CKM: variants seen among roughly 807,000 people sequenced by gnomAD.
CKM encodes creatine kinase, M-type.
CKM carries 28 observed loss-of-function variants against 35.4 expected under a neutral mutation model. The observed-to-expected ratio is 0.79, with a 90% CI of 0.59 to 1.08. CKM has a LOEUF of 1.08. Among genes scored for constraint, CKM ranks in the 50% least tolerant of loss-of-function variants. The pLI is 0.00. For synonymous variants in CKM, 215 were observed against 204.4 expected (o/e 1.05, Z -0.44); for missense variants, 484 against 509.8 (o/e 0.95, Z 0.49).
At chr19:45,322,361 AG>A (rs1394728690) in intron 1 of CKM, among the ~76,000 whole-genome samples, 1 of 152,164 alleles carries the variant, frequency 6.6e-6, no homozygotes, top group East Asian at 1.9e-4. Flanking sequence ...TCCGCTACTA[AG>A]TCAGAAACAA....
chr19:45,310,387 T>A (rs1172424461), intron 5 of CKM, among the ~76,000 whole-genome samples: 1 of 151,728 alleles, frequency 6.6e-6, no homozygotes, highest in Admixed American at 6.6e-5. Context: ...CCCAAAGTGC[T>A]GGGATTACAG....
rs370934579 is a variant in CKM at position 45,317,939 on chromosome 19, A to G, written c.234T>C (p.Asp78=). 18 of 1,613,802 alleles carry G rather than the reference A, an allele frequency of 1.1e-5. No individual in the cohort carries two copies. Among genetic ancestry groups the G allele is most frequent in the African/African-American group, 1.3e-5 (1 of 74,838 alleles). The part of the protein sequence containing the change: ...FIMTVGCVAG[D]EESYEVFKEL... ...CCTTGAAAACTTCGTAGGACTCCTC[A>G]TCACCAGCCACGCAGCCCACGGTCA... is the stretch of plus-strand genomic sequence containing the variant. Residue 78 remains aspartate (D), a synonymous_variant, in exon 3 of 8, where the codon GAT becomes GAC. Coordinates refer to ENST00000221476, the MANE Select transcript of CKM (RefSeq NM_001824.5).
At position 45,319,557 on chromosome 19, in the gene CKM, C is replaced by T. The variant is rs1363502003; in HGVS notation, c.157G>A (p.Val53Ile). The part of the protein sequence containing the change: ...RDKETPSGFT[V>I]DDVIQTGVDN... The stretch of plus-strand genomic sequence containing the variant: ...ACTCCTGTCTGGATGACATCGTCTA[C>T]AGTGAAGCCAGATGGAGTCTCCTTG... The change falls in exon 2 of 8, where the codon GTA becomes ATA. Residue 53 changes from valine (V) to isoleucine (I), a missense_variant. Transcript: ENST00000221476. The T allele has an allele frequency of 6.2e-6, 10 of 1,614,092 alleles. No individual in the cohort carries two copies. Among genetic ancestry groups the T allele is most frequent in the Non-Finnish European group, 8.5e-6 (10 of 1,180,018 alleles).
rs940327631 is a variant in CKM at position 45,306,915 on chromosome 19, T to C, written c.981A>G (p.Thr327=). The change falls in exon 8 of 8, where the codon ACA becomes ACG. Residue 327 remains threonine, a synonymous_variant. Transcript: ENST00000221476. This position sits in a 1 kb window ranked among gnomAD's most constrained non-coding sequence, Gnocchi z 4.5. The part of the protein sequence containing the change: ...LQKRGTGGVD[T]AAVGSVFDVS... ...CGTCAAATACTGAGCCCACGGCAGC[T>C]GTGTCCACGCCACCTGTGGGAGCAA... 3 of 1,613,762 alleles carry C rather than the reference T, an allele frequency of 1.9e-6. No individual in the cohort carries two copies. Among genetic ancestry groups the C allele is most frequent in the African/African-American group, 1.3e-5 (1 of 74,916 alleles).
At chr19:45,318,038 G>T (rs1971176723) in intron 2 of CKM, 59 bp from the exon 3 acceptor site, 11 of 1,480,838 alleles carry the variant, frequency 7.4e-6, no homozygotes, top group Non-Finnish European at 8.5e-6. Context: ...GCGTGGGCTT[G>T]TGGGCTCAGT....
intron 3 of CKM, among the ~76,000 whole-genome samples, chr19:45,316,529 T>C (rs1971160258): frequency 1.3e-5 from 2 of 151,726 alleles, no homozygotes; most frequent in Admixed American, 6.6e-5. Context: ...TTGCCCAAGC[T>C]GGTCGTGAAC....
At chr19:45,312,915 C>T (rs1312348030) in intron 4 of CKM, among the ~76,000 whole-genome samples, 5 of 148,588 alleles carry the variant, frequency 3.4e-5, no homozygotes. Flanking sequence ...GATTTTGCCA[C>T]TGCACTCCAG....
chr19:45,308,376 G>A (rs1021868936), intron 6 of CKM, 33 bp downstream of exon 6: 6 of 1,613,768 alleles, frequency 3.7e-6, no homozygotes, highest in African/African-American at 2.7e-5. Flanking sequence ...TCAAGGTGGA[G>A]TCAGAAGTCA....
rs111571766 is a variant in CKM at position 45,322,016 on chromosome 19, C to T, written c.-19+805G>A. ...CACCCCCAGCTGCTGCCCCGCCCCA[C>T]CCCCACATTCCGGGGCTCGGCTTGC... On this transcript the variant is annotated intron_variant, in intron 1 of 7. Coordinates refer to ENST00000221476, the MANE Select transcript of CKM (RefSeq NM_001824.5). Among the ~76,000 whole-genome samples, 309 of 152,204 alleles carry T rather than the reference C, an allele frequency of 2.0e-3. 1 individual carries two copies. The highest frequency in any genetic ancestry group is 6.9e-3 in the African/African-American group (287 of 41,540).
intron 4 of CKM, 127 bp from the exon 5 acceptor site, chr19:45,312,047 A>G (rs1971115842): frequency 9.8e-7 from 1 of 1,019,258 alleles, no homozygotes; most frequent in Admixed American, 2.0e-5. Flanking sequence ...TCCTAAAGGC[A>G]CCTGAACCCT....
At chr19:45,307,025 G>T (rs1454865360) in intron 7 of CKM, 97 bp from the exon 8 acceptor site, 2 of 1,202,820 alleles carry the variant, frequency 1.7e-6, no homozygotes, top group Non-Finnish European at 2.4e-6. Flanking sequence ...CATGTAGTGA[G>T]TGCCTACTGT....
Position 45,312,421 on chromosome 19 carries a change from C to CT in CKM, c.482-502dup, listed in dbSNP as rs1249373380. On this transcript the variant is annotated intron_variant, in intron 4 of 7. Coordinates refer to ENST00000221476, the MANE Select transcript of CKM (RefSeq NM_001824.5). ...CTGGGTAACATAGCAAGACCCCCAT[C>CT]TTTTTTTTTTTTTTTTATGAGACGG... 8.9e-3 allele frequency among the ~76,000 whole-genome samples: 1,267 copies of CT among 142,250 alleles called. 5 individuals are homozygous for CT. Among genetic ancestry groups the CT allele is most frequent in the Non-Finnish European group, 0.014 (907 of 64,580 alleles). 93.3% of individuals were successfully genotyped at this position (142,250 alleles called of 152,430 possible).
intron 2 of CKM, 30 bp from the exon 3 acceptor site, chr19:45,318,009 C>T (rs757644382): frequency 1.9e-6 from 3 of 1,609,296 alleles, no homozygotes; most frequent in South Asian, 2.2e-5. Flanking sequence ...GTCAGAGCTG[C>T]TTGTCCCCAG....
At position 45,308,550 on chromosome 19, in the gene CKM, A is replaced by C; in HGVS notation, c.654-18T>G. On this transcript the variant is annotated intron_variant, in intron 5 of 7. Transcript: ENST00000221476. ...CATTGTGCCTAGAGTAAGGTGCCGC[A>C]GCAAGAGGCCAAGGTGTCAGCCCCG... 1 of 1,613,950 alleles carries C rather than the reference A, an allele frequency of 6.2e-7. No homozygotes were observed. The highest frequency in any genetic ancestry group is 8.5e-7 in the Non-Finnish European group (1 of 1,179,888).
Position 45,311,790 on chromosome 19 carries a change from G to A in CKM, c.612C>T (p.Ala204=). The A allele has an allele frequency of 6.2e-7, 1 of 1,606,102 alleles. No individual in the cohort carries two copies. Among genetic ancestry groups the A allele is most frequent in the South Asian group, 1.1e-5 (1 of 89,948 alleles). The change falls in exon 5 of 8, where the codon GCC becomes GCT. Residue 204 remains alanine, a synonymous_variant. Transcript: ENST00000221476. ...FDKPVSPLLL[A]SGMARDWPDA... The stretch of plus-strand genomic sequence containing the variant: ...CGGGCCAGTCGCGGGCCATGCCTGA[G>A]GCCAGCAGCAGCGGGGACACGGGCT...
chr19:45,308,370 G>C (rs748753624), intron 6 of CKM, 39 bp downstream of exon 6: 2 of 1,613,556 alleles, frequency 1.2e-6, no homozygotes, highest in Non-Finnish European at 1.7e-6. Context: ...GGGCGTTCAA[G>C]GTGGAGTCAG....
chr19:45,312,040 T>A, intron 4 of CKM, 120 bp from the exon 5 acceptor site: 1 of 1,085,690 alleles, frequency 9.2e-7, no homozygotes, highest in Non-Finnish European at 1.4e-6. Flanking sequence ...CTGGATGTCC[T>A]AAAGGCACCT....
At chr19:45,308,295 G>A in intron 6 of CKM, 114 bp downstream of exon 6, 1 of 1,341,566 alleles carries the variant, frequency 7.5e-7, no homozygotes, top group South Asian at 1.2e-5. Context: ...GGGGGGCAGG[G>A]CCCTGGAAAA....
Position 45,307,600 on chromosome 19 carries a change from G to A in CKM, c.828C>T (p.His276=), listed in dbSNP as rs374180272. The change falls in exon 7 of 8, where the codon CAC becomes CAT. Residue 276 remains histidine (H), a synonymous_variant. Coordinates refer to ENST00000221476, the MANE Select transcript of CKM (RefSeq NM_001824.5). ...KAGHPFMWNQ[H]LGYVLTCPSN... is the part of the protein sequence containing the mutation. ...ATGGGCAGGTGAGCACGTAGCCCAG[G>A]TGCTGGTTCCACATGAAGGGGTGGC... 12 of 1,614,046 alleles carry A rather than the reference G, an allele frequency of 7.4e-6. No individual in the cohort carries two copies. Among genetic ancestry groups the A allele is most frequent in the Non-Finnish European group, 9.3e-6 (11 of 1,180,044 alleles).
Sources: gnomAD v4.1 joint callset for allele counts (sites outside exome capture counted in the v4.1 genomes callset) on GRCh38, gnomAD v4.1.1 for gene constraint, Gnocchi (gnomAD v3.1) non-coding constraint, MANE v1.5 for transcripts, NCBI Gene and HGNC (gene_info 2026-07-23, HGNC 2026-07-21) for gene names.